The following FCGR2B variants were observed in gnomAD, a reference collection of about 807,000 sequenced individuals.
FCGR2B encodes low affinity immunoglobulin gamma Fc region receptor II-b.
FCGR2B carries 18 observed loss-of-function variants against 24.8 expected under a neutral mutation model. The ratio of observed to expected loss-of-function variants is 0.73; its 90% CI spans 0.50 to 1.08. The LOEUF (loss-of-function observed/expected upper bound fraction) is 1.08, where lower values mean the gene tolerates loss of function less well. Ranked by LOEUF, FCGR2B falls within the 50% of genes least tolerant of loss-of-function variation. The pLI, the probability that FCGR2B is intolerant of heterozygous loss-of-function variation, is 0.00. For synonymous variants in FCGR2B, 79 were observed against 109.8 expected (o/e 0.72, Z 1.75); for missense variants, 215 against 297.6 (o/e 0.72, Z 2.04).
intron 3 of FCGR2B, 97 bp from the exon 4 acceptor site, chr1:161,672,878 T>A (rs1484217860): frequency 6.5e-7 from 1 of 1,537,590 alleles, no homozygotes; most frequent in Non-Finnish European, 8.8e-7. Flanking sequence ...ACCTAAGCTG[T>A]TCCCTCTGCA....
intron 6 of FCGR2B, chr1:161,675,605 G>C: frequency 3.0e-6 from 1 of 336,752 alleles, no homozygotes; most frequent in Non-Finnish European, 5.4e-6. Context: ...AGAAATCAGA[G>C]ATACTTTGGT....
intron 1 of FCGR2B, among the ~76,000 whole-genome samples, chr1:161,667,475 C>A (rs6694919): frequency 0.97 from 105,156 of 107,972 alleles, 51,830 homozygotes; most frequent in East Asian, 1. Flanking sequence ...AAAGGCATGG[C>A]GAATACAGGT....
rs913659509 is a variant in FCGR2B at position 161,677,484 on chromosome 1, C to T, written c.864C>T (p.Asn288=). Residue 288 remains asparagine, a synonymous_variant, in exon 8 of 8, where the codon AAC becomes AAT. Transcript: ENST00000358671. ...PDEADKVGAE[N]TITYSLLMHP... is the part of the protein sequence containing the mutation. The stretch of plus-strand genomic sequence containing the variant: ...GTTTCTGCCTTCTCTAGGCTGAGAA[C>T]ACAATCACCTATTCACTTCTCATGC... 2.4e-5 allele frequency: 38 copies of T among 1,613,954 alleles called. No homozygotes were observed. Among genetic ancestry groups the T allele is most frequent in the Non-Finnish European group, 3.2e-5 (38 of 1,179,834 alleles).
chr1:161,677,832 C>T lies in FCGR2B; in HGVS notation c.*279C>T, dbSNP rs1331977728. On this transcript the variant is annotated 3_prime_UTR_variant, in exon 8 of 8. Coordinates refer to ENST00000358671, the MANE Select transcript of FCGR2B (RefSeq NM_001394477.1). ...ACAGCCAATCCAATTAATCAAACCA[C>T]TGTTATTAACAGATAATAGCAACTT... The T allele has an allele frequency of 2.4e-6, 1 of 410,174 alleles. No individual in the cohort carries two copies. Among genetic ancestry groups the T allele is most frequent in the Non-Finnish European group, 4.3e-6 (1 of 231,628 alleles). 25.4% of individuals were successfully genotyped at this position (410,174 alleles called of 1,614,324 possible). A position where few individuals can be genotyped will look rare whatever the true frequency, so the allele number is the denominator to read the frequency against.
At chr1:161,660,940 G>A (rs1347538458), upstream of FCGR2B, among the ~76,000 whole-genome samples, 1 of 81,232 alleles carries the variant, frequency 1.2e-5, no homozygotes, top group Non-Finnish European at 2.4e-5. Context: ...AGGGCGTGGT[G>A]GCAGATGCTT....
the FCGR2B span, among the ~76,000 whole-genome samples, chr1:161,650,284 G>T: frequency 6.9e-6 from 1 of 145,390 alleles, no homozygotes; most frequent in Admixed American, 6.9e-5. Flanking sequence ...ACTGTGCCCT[G>T]CCAAAAAAAA....
At chr1:161,677,399 C>T (rs1247723007) in intron 7 of FCGR2B, 34 bp downstream of exon 7, 1 of 1,612,506 alleles carries the variant, frequency 6.2e-7, no homozygotes, top group South Asian at 1.1e-5. Flanking sequence ...CCTCCCTTCT[C>T]CCCTGTTGCC....
At chr1:161,647,392 C>T in the FCGR2B span, among the ~76,000 whole-genome samples, 3 of 149,306 alleles carry the variant, frequency 2.0e-5, no homozygotes, top group Admixed American at 2.0e-4. Context: ...CCCCCGCCTG[C>T]CGGGTTCAAG....
At position 161,677,533 on chromosome 1, in the gene FCGR2B, G is replaced by A. The variant is rs745984806; in HGVS notation, c.913G>A (p.Asp305Asn). Residue 305 changes from aspartate to asparagine, a missense_variant, in exon 8 of 8, where the codon GAT becomes AAT. By Grantham distance (23) the Asp-to-Asn change is conservative. This residue lies in a region of FCGR2B where 81 missense variants were observed against 81.6 expected (regional missense o/e 0.99). Transcript: ENST00000358671. ...GCACCCGGATGCTCTGGAAGAGCCT[G>A]ATGACCAGAACCGTATTTAGTCTCC... ...LMHPDALEEP[D>N]DQNRI The A allele has an allele frequency of 1.9e-6, 3 of 1,613,124 alleles. No homozygotes were observed. Among genetic ancestry groups the A allele is most frequent in the Non-Finnish European group, 2.5e-6 (3 of 1,179,184 alleles).
intron 6 of FCGR2B, chr1:161,675,631 T>C: frequency 3.6e-6 from 1 of 276,726 alleles, no homozygotes; most frequent in Non-Finnish European, 6.8e-6. Context: ...TGTGGAGCTT[T>C]GGCAGAGCTG....
chr1:161,661,232 A>AAGAAAGAAAGAG (rs1681042986), upstream of FCGR2B, among the ~76,000 whole-genome samples: 3 of 69,320 alleles, frequency 4.3e-5, no homozygotes, highest in Non-Finnish European at 1.1e-4. Flanking sequence ...GAAAGAAAGA[A>AAGAAAGAAAGAG]AGAAAGAAAG....
intron 5 of FCGR2B, chr1:161,674,733 G>A (rs1285813805): frequency 3.7e-5 from 6 of 160,392 alleles, no homozygotes; most frequent in Admixed American, 1.2e-4. Context: ...AGGAGGTGGT[G>A]TGTGAGGGCA....
Position 161,675,268 on chromosome 1 carries a change from T to G in FCGR2B, c.772T>G (p.Tyr258Asp), listed in dbSNP as rs148534844. 7.2e-4 allele frequency: 1,150 copies of G among 1,604,250 alleles called. 2 individuals are homozygous for G. In the African/African-American group the frequency reaches 7.7e-3, roughly 11 times the overall value. The change falls in exon 6 of 8, where the codon TAC becomes GAC. Residue 258 changes from tyrosine to aspartate, a missense_variant. By Grantham distance (160) the Tyr-to-Asp change is radical (BLOSUM62 -3). Coordinates refer to ENST00000358671, the MANE Select transcript of FCGR2B (RefSeq NM_001394477.1). ...TGTGCCCCTCCCAGCTCTCCCAGGA[T>G]ACCCTGAGTGCAGGGAAATGGGAGA... ...RKKRISALPG[Y>D]PECREMGETL...
At position 161,677,470 on chromosome 1, in the gene FCGR2B, C is replaced by G. The variant is rs764677955; in HGVS notation, c.856-6C>G. ...GATCCTTACTGCTGGTTTCTGCCTT[C>G]TCTAGGCTGAGAACACAATCACCTA... On this transcript the variant is annotated splice_polypyrimidine_tract_variant and splice_region_variant and intron_variant, in intron 7 of 7. Coordinates refer to ENST00000358671, the MANE Select transcript of FCGR2B (RefSeq NM_001394477.1). The G allele has an allele frequency of 5.0e-6, 8 of 1,613,666 alleles. No individual in the cohort carries two copies. The South Asian group carries it at 8.8e-5, about 18-fold the overall frequency.
Position 161,669,464 on chromosome 1 carries a change from G to C in FCGR2B, c.113-788G>C, listed in dbSNP as rs1052428598. 9.3e-5 allele frequency among the ~76,000 whole-genome samples: 13 copies of C among 140,522 alleles called. 2 individuals carry two copies. The Admixed American group carries it at 9.5e-4, about 10-fold the overall frequency. The allele number at this position is 140,522 out of a possible 152,430, so 92.2% of individuals were successfully genotyped here. ...CGCGGGCCTGTAATCCCAGCTCTTG[G>C]GAGGCTGAGGCAGGTGAATCACTTG... On this transcript the variant is annotated intron_variant, in intron 1 of 7. Coordinates refer to ENST00000358671, the MANE Select transcript of FCGR2B (RefSeq NM_001394477.1).
chr1:161,661,230 GAAAGAAAGAAA>G, upstream of FCGR2B, among the ~76,000 whole-genome samples: 1 of 71,772 alleles, frequency 1.4e-5, no homozygotes, highest in South Asian at 4.1e-4. Context: ...AAGAAAGAAA[GAAAGAAAGAAA>G]GAAAGAAAGA....
chr1:161,651,950 TAAA>T, the FCGR2B span, among the ~76,000 whole-genome samples: 2 of 97,988 alleles, frequency 2.0e-5, no homozygotes, highest in Non-Finnish European at 5.0e-5. Flanking sequence ...TGAAATAAAA[TAAA>T]ATAAAATAAA....
intron 2 of FCGR2B, 70 bp from the exon 3 acceptor site, chr1:161,671,322 C>G (rs1681635856): frequency 6.2e-7 from 1 of 1,610,096 alleles, no homozygotes; most frequent in African/African-American, 1.3e-5. Flanking sequence ...GCTTTTTTGT[C>G]TGAGATTCAG....
intron 3 of FCGR2B, chr1:161,672,080 C>T (rs1198303804): frequency 2.8e-5 from 6 of 216,416 alleles, no homozygotes; most frequent in South Asian, 8.4e-5. Context: ...GCCCCCGCCC[C>T]GCCCTCCATG....
Sources: gnomAD v4.1 joint callset for allele counts (sites outside exome capture counted in the v4.1 genomes callset) on GRCh38, gnomAD v4.1.1 for gene constraint, gnomAD v4.1.1 regional missense constraint, MANE v1.5 for transcripts, NCBI Gene and HGNC (gene_info 2026-07-23, HGNC 2026-07-21) for gene names.